The following FCHSD2 variants were observed in gnomAD, a reference collection of about 807,000 sequenced individuals.
FCHSD2 encodes the protein F-BAR and double SH3 domains protein 2.
FCHSD2 carries 38 observed loss-of-function variants against 108.1 expected under a neutral mutation model. The observed-to-expected ratio is 0.35, with a 90% CI of 0.27 to 0.46. FCHSD2 has a LOEUF of 0.46. FCHSD2 is among the 20% of genes least tolerant of loss of function. The pLI is 1.00. For missense variants in FCHSD2, 751 were observed against 897.8 expected (o/e 0.84, Z 2.09); for synonymous variants, 279 against 314.7 (o/e 0.89, Z 1.20).
chr11:72,930,621 C>T (rs1473601263), intron 8 of FCHSD2, among the ~76,000 whole-genome samples: 4 of 151,950 alleles, frequency 2.6e-5, no homozygotes, highest in East Asian at 1.9e-4. Context: ...GGTGCCCATC[C>T]GTAGTCCCAA....
chr11:72,857,615 T>A (rs1591347121), intron 13 of FCHSD2, among the ~76,000 whole-genome samples: 1 of 142,076 alleles, frequency 7.0e-6, no homozygotes, highest in African/African-American at 2.7e-5. Flanking sequence ...ATTTTTGTAT[T>A]TTTTTTTTTT....
chr11:73,001,665 G>A (rs75516546), intron 4 of FCHSD2, among the ~76,000 whole-genome samples: 15 of 152,144 alleles, frequency 9.9e-5, no homozygotes, highest in Admixed American at 7.8e-4. Context: ...AAACTGACGC[G>A]GCTGGAAAAA....
chr11:73,056,139 C>T (rs1411220420), intron 3 of FCHSD2, among the ~76,000 whole-genome samples: 1 of 152,114 alleles, frequency 6.6e-6, no homozygotes, highest in African/African-American at 2.4e-5. Flanking sequence ...CCCTAAGTGT[C>T]TTACTTATCT....
At chr11:73,063,205 G>A (rs1300757105) in intron 3 of FCHSD2, among the ~76,000 whole-genome samples, 1 of 152,146 alleles carries the variant, frequency 6.6e-6, no homozygotes, top group East Asian at 1.9e-4. Context: ...ATAAGCAAAG[G>A]AGAAATAAAA....
At chr11:72,907,349 A>T (rs1344122681) in intron 9 of FCHSD2, among the ~76,000 whole-genome samples, 1 of 152,178 alleles carries the variant, frequency 6.6e-6, no homozygotes, top group East Asian at 1.9e-4. Flanking sequence ...TGATTGCCTT[A>T]GCCAGAACTT....
At chr11:73,028,459 T>C (rs1324885304) in intron 3 of FCHSD2, among the ~76,000 whole-genome samples, 2 of 152,184 alleles carry the variant, frequency 1.3e-5, no homozygotes, top group African/African-American at 2.4e-5. Flanking sequence ...TGTACCCCCA[T>C]TGTATCTTGG....
chr11:72,943,974 A>G (rs1856470510), intron 8 of FCHSD2, among the ~76,000 whole-genome samples: 1 of 152,306 alleles, frequency 6.6e-6, no homozygotes, highest in South Asian at 2.1e-4. Context: ...CATGACATGG[A>G]GGTAAAACAA....
In FCHSD2 at chr11:72,989,060, T is replaced by C; in HGVS notation, c.425A>G (p.Gln142Arg). ...DQLTKIQTEL[Q>R]ETVKDLAKGK... ...TTTAGCTAAATCTTTCACTGTCTCT[T>C]GTAATTCAGTTTGGATCTTTGTCAA... is the stretch of plus-strand genomic sequence containing the variant. The change falls in exon 6 of 20, where the codon CAA (glutamine) becomes CGA (arginine). Residue 142 changes from glutamine (Q) to arginine (R), a missense_variant. Physicochemically the swap from Gln to Arg is conservative, Grantham distance 43. Coordinates refer to ENST00000409418, the MANE Select transcript of FCHSD2 (RefSeq NM_014824.3). 2 of 1,609,096 alleles carry C rather than the reference T, an allele frequency of 1.2e-6. No individual in the cohort carries two copies. The highest frequency in any genetic ancestry group is 1.7e-6 in the Non-Finnish European group (2 of 1,176,974).
intron 10 of FCHSD2, chr11:72,900,192 AC>A: frequency 8.5e-7 from 1 of 1,178,382 alleles, no homozygotes; most frequent in Non-Finnish European, 1.2e-6. Context: ...ACCAGGTCCC[AC>A]CCTTCATTAA....
chr11:72,913,828 A>AC (rs1388946358), intron 9 of FCHSD2, among the ~76,000 whole-genome samples: 5 of 150,084 alleles, frequency 3.3e-5, no homozygotes, highest in African/African-American at 1.2e-4. Context: ...AAAACCCAAA[A>AC]AAAAAACAAA....
intron 3 of FCHSD2, among the ~76,000 whole-genome samples, chr11:73,078,833 T>C (rs1235305824): frequency 2.6e-5 from 4 of 152,126 alleles, no homozygotes; most frequent in African/African-American, 9.7e-5. Flanking sequence ...ATTCTCCTGC[T>C]TCAGTCTCCA....
At chr11:73,053,243 T>C (rs1012315419) in intron 3 of FCHSD2, among the ~76,000 whole-genome samples, 5 of 151,862 alleles carry the variant, frequency 3.3e-5, no homozygotes, top group African/African-American at 9.7e-5. Context: ...CCTTACAAAT[T>C]TGATAAAAAC....
chr11:72,875,845 C>T (rs1280973189), intron 12 of FCHSD2, among the ~76,000 whole-genome samples: 2 of 152,192 alleles, frequency 1.3e-5, no homozygotes, highest in South Asian at 2.1e-4. Context: ...TCAGTAAGTG[C>T]TATTTGGATC....
intron 3 of FCHSD2, among the ~76,000 whole-genome samples, chr11:73,070,623 A>G (rs1405603420): frequency 2.0e-5 from 3 of 151,612 alleles, no homozygotes. Flanking sequence ...ATGGGGTTTC[A>G]CCATGCTGGC....
At chr11:73,081,206 C>T (rs1285112885) in intron 3 of FCHSD2, among the ~76,000 whole-genome samples, 3 of 152,050 alleles carry the variant, frequency 2.0e-5, no homozygotes. Context: ...GAGGCCGAGG[C>T]AGGTGGATCA....
At chr11:72,903,621 G>C (rs143029589) in intron 9 of FCHSD2, among the ~76,000 whole-genome samples, 1 of 152,270 alleles carries the variant, frequency 6.6e-6, no homozygotes, top group African/African-American at 2.4e-5. Flanking sequence ...CCTTGGGAAA[G>C]AGTGGAAATC....
At chr11:72,917,569 T>C (rs910040424) in intron 9 of FCHSD2, among the ~76,000 whole-genome samples, 1 of 152,190 alleles carries the variant, frequency 6.6e-6, no homozygotes, top group Non-Finnish European at 1.5e-5. Context: ...AAACTATTCA[T>C]GGTCCCTTGT....
chr11:72,984,926 A>G (rs1857283024), intron 7 of FCHSD2, 136 bp downstream of exon 7: 1 of 515,470 alleles, frequency 1.9e-6, no homozygotes, highest in African/African-American at 2.0e-5. Context: ...TGGGAGGGAA[A>G]GTTCCTCCCT....
At chr11:72,958,991 ATATGTGTGTGTG>A (rs1856768440) in intron 8 of FCHSD2, among the ~76,000 whole-genome samples, 1 of 41,660 alleles carries the variant, frequency 2.4e-5, no homozygotes, top group African/African-American at 5.3e-5. Flanking sequence ...CATCAGTAAG[ATATGTGTGTGTG>A]TGTGTGTGTG....
Sources: gnomAD v4.1 joint callset for allele counts (sites outside exome capture counted in the v4.1 genomes callset) on GRCh38, gnomAD v4.1.1 for gene constraint, MANE v1.5 for transcripts, NCBI Gene and HGNC (gene_info 2026-07-23, HGNC 2026-07-21) for gene names.